The following STPG2 variants were observed in gnomAD, a reference collection of about 807,000 sequenced individuals.
The protein encoded by STPG2 is sperm-tail PG-rich repeat-containing protein 2.
STPG2 carries 56 observed loss-of-function variants against 54.2 expected under a neutral mutation model. That is an observed-to-expected ratio of 1.03 (90% CI 0.83 to 1.29). The LOEUF is 1.29. Among genes scored for constraint, STPG2 ranks in the 50% most tolerant of loss-of-function variants. STPG2 has a pLI of 0.00. For missense variants in STPG2, 596 were observed against 544.9 expected, an observed-to-expected ratio of 1.09 and a Z score of -0.93; for synonymous variants, 200 against 181.8, an observed-to-expected ratio of 1.10 and a Z score of -0.81.
intron 10 of STPG2, among the ~76,000 whole-genome samples, chr4:97,603,564 C>A (rs1733518394): frequency 6.6e-6 from 1 of 151,442 alleles, no homozygotes; most frequent in African/African-American, 2.4e-5. Flanking sequence ...CCCAAGTGCT[C>A]ATCAACACAT....
intron 9 of STPG2, among the ~76,000 whole-genome samples, chr4:97,764,023 A>G (rs1177629970): frequency 2.6e-5 from 4 of 151,212 alleles, no homozygotes; most frequent in Non-Finnish European, 5.9e-5. Flanking sequence ...TGCCTTTTTT[A>G]GTTATTTGAA....
intron 10 of STPG2, among the ~76,000 whole-genome samples, chr4:97,607,375 A>T (rs1733623203): frequency 6.6e-6 from 1 of 152,002 alleles, no homozygotes. Flanking sequence ...TTGTAGATGT[A>T]AGGAATTTAC....
At chr4:97,918,069 A>AT (rs1553924815) in intron 8 of STPG2, among the ~76,000 whole-genome samples, 4 of 145,700 alleles carry the variant, frequency 2.7e-5, no homozygotes, top group Admixed American at 2.7e-4. Context: ...TATAAGGAAG[A>AT]TAAAAAAAAA....
chr4:98,075,239 T>C (rs1738125880), intron 5 of STPG2, among the ~76,000 whole-genome samples: 1 of 152,172 alleles, frequency 6.6e-6, no homozygotes, highest in African/African-American at 2.4e-5. Context: ...TCTTTCTACT[T>C]GGATTTGTAA....
intron 9 of STPG2, among the ~76,000 whole-genome samples, chr4:97,740,948 A>G (rs1175423882): frequency 1.3e-5 from 2 of 152,160 alleles, no homozygotes; most frequent in Admixed American, 1.3e-4. Flanking sequence ...GCATCATGCT[A>G]CCTGACTTCA....
At chr4:97,802,850 T>A (rs1353683120) in intron 9 of STPG2, among the ~76,000 whole-genome samples, 3 of 152,144 alleles carry the variant, frequency 2.0e-5, no homozygotes, top group East Asian at 3.8e-4. Flanking sequence ...ATCACCAACA[T>A]AAATTCTAGG....
chr4:97,994,801 C>T (rs1365023010), intron 5 of STPG2, among the ~76,000 whole-genome samples: 1 of 152,068 alleles, frequency 6.6e-6, no homozygotes, highest in East Asian at 1.9e-4. Context: ...GTGGCACTTT[C>T]AAGAGCACAT....
chr4:98,123,087 T>C (rs547482473), intron 3 of STPG2, among the ~76,000 whole-genome samples: 8 of 152,248 alleles, frequency 5.3e-5, no homozygotes, highest in African/African-American at 1.9e-4. Flanking sequence ...TCTTCTCTCT[T>C]TTCTTCTTTG....
At chr4:97,643,439 A>G (rs1721819466) in intron 10 of STPG2, among the ~76,000 whole-genome samples, 1 of 146,046 alleles carries the variant, frequency 6.8e-6, no homozygotes, top group Admixed American at 6.6e-5. Context: ...CCACCTAAGT[A>G]GTTTAAGTAC....
At chr4:97,966,281 G>C (rs188502745) in intron 7 of STPG2, among the ~76,000 whole-genome samples, 69 of 152,296 alleles carry the variant, frequency 4.5e-4, no homozygotes, top group Non-Finnish European at 8.4e-4. Flanking sequence ...ATCAGTGGTT[G>C]AAGAACAAAT....
intron 4 of STPG2, among the ~76,000 whole-genome samples, chr4:97,537,889 T>C (rs898110718): frequency 2.0e-5 from 3 of 152,088 alleles, no homozygotes; most frequent in Non-Finnish European, 4.4e-5. Context: ...TGTTCAACAA[T>C]ATTCGCTGTT....
At chr4:97,691,090 T>C (rs1363604417) in intron 10 of STPG2, among the ~76,000 whole-genome samples, 1 of 152,162 alleles carries the variant, frequency 6.6e-6, no homozygotes, top group South Asian at 2.1e-4. Flanking sequence ...GAGCAGCATA[T>C]GGAAACCTAC....
intron 8 of STPG2, among the ~76,000 whole-genome samples, chr4:97,937,920 G>A (rs1014050803): frequency 5.3e-5 from 8 of 152,180 alleles, no homozygotes; most frequent in Admixed American, 3.3e-4. Flanking sequence ...CTTGGTTGAG[G>A]GGGTGTACTG....
intron 8 of STPG2, among the ~76,000 whole-genome samples, chr4:97,920,340 C>T (rs1049398629): frequency 6.6e-6 from 1 of 152,170 alleles, no homozygotes; most frequent in Admixed American, 6.5e-5. Flanking sequence ...GTTTAGAAGT[C>T]TTGGTTCTCA....
At chr4:98,023,197 G>T (rs1367931963) in intron 5 of STPG2, among the ~76,000 whole-genome samples, 1 of 152,084 alleles carries the variant, frequency 6.6e-6, no homozygotes. Context: ...GTGTTTTTGG[G>T]GTGGATGTCC....
chr4:98,066,398 G>A (rs1398227800), intron 5 of STPG2, among the ~76,000 whole-genome samples: 1 of 152,014 alleles, frequency 6.6e-6, no homozygotes, highest in South Asian at 2.1e-4. Flanking sequence ...ATACCAGCCT[G>A]GCCAACATGG....
chr4:97,445,534 C>A (rs1488526672), intron 4 of STPG2, among the ~76,000 whole-genome samples: 3 of 152,104 alleles, frequency 2.0e-5, no homozygotes, highest in Non-Finnish European at 4.4e-5. Flanking sequence ...GTAATAAATA[C>A]ACAATATTAT....
In STPG2 at chr4:98,027,177, A is replaced by G. The variant is rs80332040; in HGVS notation, c.613-45859T>C. Among the ~76,000 whole-genome samples the G allele has an allele frequency of 9.6e-3, 1,461 of 152,354 alleles. 11 individuals are homozygous for G. Among genetic ancestry groups the G allele is most frequent in the Middle Eastern group, 0.051 (15 of 294 alleles). The stretch of plus-strand genomic sequence containing the variant: ...ATTACTCTTCTAATAAATACCACAA[A>G]TTTAGTAGCTTAAAATAACATACAT... On this transcript the variant is annotated intron_variant, in intron 5 of 10. Transcript: ENST00000295268.
chr4:98,105,919 G>A, intron 5 of STPG2, 34 bp downstream of exon 5: 1 of 1,506,482 alleles, frequency 6.6e-7, no homozygotes, highest in Non-Finnish European at 9.0e-7. Flanking sequence ...CTTAAAATTG[G>A]GAAAATATAT....
Sources: allele counts gnomAD v4.1 joint callset (sites outside exome capture counted in the v4.1 genomes callset), GRCh38; gene constraint gnomAD v4.1.1; transcripts MANE v1.5; gene names NCBI Gene and HGNC (gene_info 2026-07-23, HGNC 2026-07-21).